Variants in ENOSF1 observed in about 807,000 individuals in gnomAD.
The protein encoded by ENOSF1 is mitochondrial enolase superfamily member 1.
A neutral mutation model predicts 68.2 loss-of-function variants in ENOSF1; 73 were observed. The observed-to-expected ratio is 1.07, with a 90% CI of 0.89 to 1.30. The LOEUF (loss-of-function observed/expected upper bound fraction) is 1.30. ENOSF1 is among the 50% of genes most tolerant of loss of function. The probability of loss-of-function intolerance (pLI) is 0.00; values close to 1 mark genes in which losing one functional copy is unlikely to be tolerated. For missense variants in ENOSF1, 589 were observed against 554.5 expected (o/e 1.06, Z -0.62); for synonymous variants, 223 against 210.4 (o/e 1.06, Z -0.52).
intron 2 of ENOSF1, among the ~76,000 whole-genome samples, chr18:700,829 T>C (rs1392319641): frequency 7.5e-6 from 1 of 133,686 alleles, no homozygotes; most frequent in East Asian, 2.1e-4. Flanking sequence ...GAGGTTGCAG[T>C]GAGCCAGCCA....
intron 1 of ENOSF1, 76 bp from the exon 2 acceptor site, chr18:706,654 T>C (rs1335097019): frequency 2.3e-5 from 26 of 1,118,230 alleles, no homozygotes; most frequent in Non-Finnish European, 3.4e-5. Context: ...TGATGTCACA[T>C]GAGGACAGAC....
At chr18:710,733 T>C (rs1010612718) in intron 1 of ENOSF1, among the ~76,000 whole-genome samples, 2 of 152,228 alleles carry the variant, frequency 1.3e-5, no homozygotes, top group Admixed American at 6.5e-5. Context: ...CTCATTTACA[T>C]GTATAAAGTG....
chr18:690,885 G>A (rs529180800), intron 7 of ENOSF1, 183 bp downstream of exon 7: 2 of 1,236,914 alleles, frequency 1.6e-6, no homozygotes, highest in Non-Finnish European at 2.2e-6. Context: ...AGTGGCTGAA[G>A]CAAACTCTGC....
At chr18:704,321 C>T (rs1429521891) in intron 2 of ENOSF1, among the ~76,000 whole-genome samples, 6 of 150,300 alleles carry the variant, frequency 4.0e-5, no homozygotes, top group Non-Finnish European at 3.0e-5. Context: ...CCCAGCTACT[C>T]GGGAGGCTGA....
chr18:689,994 G>C (rs2076987001), intron 8 of ENOSF1, among the ~76,000 whole-genome samples: 1 of 152,114 alleles, frequency 6.6e-6, no homozygotes, highest in Non-Finnish European at 1.5e-5. Flanking sequence ...ACAGGGTTCA[G>C]AGAGCTTCCA....
Position 677,349 on chromosome 18 carries a change from T to C in ENOSF1, c.1144A>G (p.Asn382Asp), listed in dbSNP as rs1243929021. ...TATTAATGCCACATTACTGACCTAT[T>C]TTCAAGGCTTGCAGAAACTGATATG... The part of the protein sequence containing the change: ...DYISVSASLE[N>D]RVCEYVDHLH... The change falls in exon 14 of 16, where the codon AAT becomes GAT. Residue 382 changes from asparagine to aspartate, a missense_variant. Coordinates refer to ENST00000647584, the MANE Select transcript of ENOSF1 (RefSeq NM_017512.7). 1 of 1,613,522 alleles carries C rather than the reference T, an allele frequency of 6.2e-7. No homozygotes were observed. Among genetic ancestry groups the C allele is most frequent in the Non-Finnish European group, 8.5e-7 (1 of 1,179,742 alleles).
At chr18:707,712 T>C (rs548775112) in intron 1 of ENOSF1, 1 of 151,834 alleles carries the variant, frequency 6.6e-6, no homozygotes, top group Admixed American at 6.6e-5. Flanking sequence ...AGACACACTA[T>C]ATTCTAAGAG....
intron 2 of ENOSF1, among the ~76,000 whole-genome samples, chr18:702,936 T>C (rs140937326): frequency 3.9e-5 from 6 of 152,282 alleles, no homozygotes; most frequent in Non-Finnish European, 5.9e-5. Flanking sequence ...ACCCTATTTT[T>C]TTAAATCATA....
At chr18:694,741 AAC>A (rs1209837211) in intron 3 of ENOSF1, among the ~76,000 whole-genome samples, 1 of 152,220 alleles carries the variant, frequency 6.6e-6, no homozygotes, top group Non-Finnish European at 1.5e-5. Flanking sequence ...GTTTAAAAAA[AAC>A]AGTTGCTAAC....
At chr18:689,415 G>T (rs2144953360) in intron 8 of ENOSF1, among the ~76,000 whole-genome samples, 1 of 152,188 alleles carries the variant, frequency 6.6e-6, no homozygotes, top group East Asian at 1.9e-4. Context: ...TGAGTGGCTG[G>T]GACTACAGAT....
chr18:690,030 G>T (rs2076990893), intron 8 of ENOSF1, among the ~76,000 whole-genome samples: 1 of 152,114 alleles, frequency 6.6e-6, no homozygotes, highest in African/African-American at 2.4e-5. Flanking sequence ...GGAGGTACTG[G>T]GAGTGTGGCT....
chr18:677,638 T>G, intron 13 of ENOSF1, 105 bp downstream of exon 13: 1 of 1,459,420 alleles, frequency 6.9e-7, no homozygotes, highest in Non-Finnish European at 9.2e-7. Flanking sequence ...AAAATCGAAA[T>G]GGCAAACTAC....
intron 5 of ENOSF1, chr18:693,389 C>CA: frequency 2.6e-6 from 3 of 1,154,586 alleles, no homozygotes; most frequent in Non-Finnish European, 3.3e-6. Context: ...AATTATAGCT[C>CA]ACTGCAGCCT....
At chr18:700,890 CAAA>C (rs71174273) in intron 2 of ENOSF1, among the ~76,000 whole-genome samples, 2,445 of 64,796 alleles carry the variant, frequency 0.038, 33 homozygotes, top group East Asian at 0.26. Context: ...AACTCTGCCT[CAAA>C]AAAAAAAAAA....
In ENOSF1 at chr18:671,743, T is replaced by TTTAAC. The variant is rs1252095117; in HGVS notation, c.*2557_*2561dup. 14 of 401,738 alleles carry TTTAAC rather than the reference T, an allele frequency of 3.5e-5. No individual in the cohort carries two copies. The highest frequency in any genetic ancestry group is 6.7e-4 in the Middle Eastern group (1 of 1,488). The allele number at this position is 401,738 out of a possible 1,614,324, so 24.9% of individuals were successfully genotyped here. On this transcript the variant is annotated 3_prime_UTR_variant, in exon 16 of 16. Coordinates refer to ENST00000647584, the MANE Select transcript of ENOSF1 (RefSeq NM_017512.7). The stretch of plus-strand genomic sequence containing the variant: ...TCCAAAAGGGGGCATTTTAACTCAT[T>TTTAAC]TTAACTTGAAGGAGAATTGAAGTGC...
intron 8 of ENOSF1, 36 bp from the exon 9 acceptor site, chr18:688,644 G>A (rs2076858382): frequency 1.9e-6 from 3 of 1,593,596 alleles, no homozygotes; most frequent in Non-Finnish European, 2.6e-6. Flanking sequence ...ACACTGGAGA[G>A]AGCCCCTTGG....
chr18:698,626 T>TTATTAC (rs1377505207), intron 2 of ENOSF1, among the ~76,000 whole-genome samples: 1 of 151,910 alleles, frequency 6.6e-6, no homozygotes, highest in Non-Finnish European at 1.5e-5. Flanking sequence ...GTACCTTTAA[T>TTATTAC]TATTATTTTT....
chr18:690,056 T>C (rs1197276343), intron 8 of ENOSF1, among the ~76,000 whole-genome samples: 1 of 152,018 alleles, frequency 6.6e-6, no homozygotes, highest in East Asian at 1.9e-4. Flanking sequence ...GGAGGGGACA[T>C]GGAAGCTCTG....
In ENOSF1 at chr18:674,298, T is replaced by G. The variant is rs763047438; in HGVS notation, c.*7A>C. 7 of 1,597,796 alleles carry G rather than the reference T, an allele frequency of 4.4e-6. No individual in the cohort carries two copies. Among genetic ancestry groups the G allele is most frequent in the Admixed American group, 1.7e-5 (1 of 58,240 alleles). ...TCAGAAAGAAAAAAGTTGTTGGGGC[T>G]GAGCACTTAATTTTCTTGAGCAGGA... On this transcript the variant is annotated 3_prime_UTR_variant, in exon 16 of 16. Coordinates refer to ENST00000647584, the MANE Select transcript of ENOSF1 (RefSeq NM_017512.7).
Sources: allele counts gnomAD v4.1 joint callset (sites outside exome capture counted in the v4.1 genomes callset), GRCh38; gene constraint gnomAD v4.1.1; transcripts MANE v1.5; gene names NCBI Gene and HGNC (gene_info 2026-07-23, HGNC 2026-07-21).